Variants in SMYD3 observed in about 807,000 individuals in gnomAD.
SMYD3 encodes SET and MYND domain containing 3.
In SMYD3, 36 loss-of-function variants were observed where a neutral mutation model predicts 57.7. The ratio of observed to expected loss-of-function variants is 0.62; its 90% CI spans 0.48 to 0.82. SMYD3 has a LOEUF of 0.82. Ranked by LOEUF, SMYD3 falls within the 40% of genes least tolerant of loss-of-function variation. The pLI, the probability that SMYD3 is intolerant of heterozygous loss-of-function variation, is 0.00. For synonymous variants in SMYD3, 211 were observed against 195.0 expected, an observed-to-expected ratio of 1.08 and a Z score of -0.68; for missense variants, 515 against 538.8, an observed-to-expected ratio of 0.96 and a Z score of 0.44.
intron 1 of SMYD3, among the ~76,000 whole-genome samples, chr1:246,364,222 CAAA>C (rs11361203): frequency 2.3e-4 from 27 of 119,586 alleles, no homozygotes; most frequent in Admixed American, 5.0e-4. Context: ...GGTTGTAAGC[CAAA>C]AAAAAAAAAA....
intron 5 of SMYD3, among the ~76,000 whole-genome samples, chr1:246,104,657 C>A (rs1454936918): frequency 1.3e-5 from 2 of 152,106 alleles, no homozygotes; most frequent in African/African-American, 2.4e-5. Flanking sequence ...ATAACACAAG[C>A]CTTTCGCGAG....
At chr1:246,064,349 T>C (rs999939807) in intron 5 of SMYD3, among the ~76,000 whole-genome samples, 2 of 152,210 alleles carry the variant, frequency 1.3e-5, no homozygotes, top group African/African-American at 2.4e-5. Flanking sequence ...TACTCTCTGT[T>C]CTAGTCAAAC....
At chr1:246,444,054 G>A (rs2067511998) in intron 1 of SMYD3, among the ~76,000 whole-genome samples, 1 of 152,016 alleles carries the variant, frequency 6.6e-6, no homozygotes, top group South Asian at 2.1e-4. Flanking sequence ...TTGTTACCTG[G>A]AGGAAACATC....
intron 8 of SMYD3, among the ~76,000 whole-genome samples, chr1:245,888,982 T>C (rs925282869): frequency 2.0e-5 from 3 of 152,232 alleles, no homozygotes; most frequent in Admixed American, 6.5e-5. Flanking sequence ...AGCTTCATTC[T>C]TCCAAGGATG....
chr1:246,094,373 G>A (rs1010011633), intron 5 of SMYD3, among the ~76,000 whole-genome samples: 1 of 152,180 alleles, frequency 6.6e-6, no homozygotes, highest in Admixed American at 6.5e-5. Flanking sequence ...TACCCTAGGA[G>A]GGCTCTGATA....
chr1:245,834,680 G>C (rs1199735834), intron 10 of SMYD3, among the ~76,000 whole-genome samples: 1 of 152,184 alleles, frequency 6.6e-6, no homozygotes, highest in Non-Finnish European at 1.5e-5. Context: ...CAATCTTCCT[G>C]TTCGGAGGAT....
intron 1 of SMYD3, 52 bp downstream of exon 1, chr1:246,507,002 C>G: frequency 8.9e-7 from 1 of 1,120,946 alleles, no homozygotes; most frequent in Non-Finnish European, 1.2e-6. Context: ...CCCCCCTCCC[C>G]AGCACCCCAC....
At chr1:246,371,404 A>C (rs886339666) in intron 1 of SMYD3, among the ~76,000 whole-genome samples, 1 of 152,198 alleles carries the variant, frequency 6.6e-6, no homozygotes, top group Non-Finnish European at 1.5e-5. Flanking sequence ...CAACCTCTTC[A>C]GTCTAGTCTA....
chr1:245,946,329 A>G (rs1305248910), intron 5 of SMYD3, among the ~76,000 whole-genome samples: 2 of 152,162 alleles, frequency 1.3e-5, no homozygotes, highest in Non-Finnish European at 2.9e-5. Context: ...CCTCCACCGC[A>G]TGTGGAGGCC....
chr1:246,490,168 C>A (rs537395093), intron 1 of SMYD3, among the ~76,000 whole-genome samples: 1 of 152,082 alleles, frequency 6.6e-6, no homozygotes, highest in Non-Finnish European at 1.5e-5. Context: ...AATTAAATAA[C>A]CACCTATAAA....
intron 2 of SMYD3, among the ~76,000 whole-genome samples, chr1:246,348,293 G>C (rs1361004968): frequency 1.3e-5 from 2 of 151,674 alleles, no homozygotes; most frequent in Non-Finnish European, 2.9e-5. Flanking sequence ...GCAGGTGCCT[G>C]TAATCCCAGC....
At chr1:245,816,472 C>T (rs2048807010) in intron 10 of SMYD3, among the ~76,000 whole-genome samples, 1 of 140,606 alleles carries the variant, frequency 7.1e-6, no homozygotes, top group Non-Finnish European at 1.5e-5. Context: ...CAGCTACAAC[C>T]CAACTCAAGG....
intron 5 of SMYD3, among the ~76,000 whole-genome samples, chr1:246,259,187 T>C (rs2063954029): frequency 6.6e-6 from 1 of 152,246 alleles, no homozygotes; most frequent in African/African-American, 2.4e-5. Context: ...ATTCATGCTT[T>C]GAATTACTTA....
intron 11 of SMYD3, among the ~76,000 whole-genome samples, chr1:245,759,447 CA>C (rs1233828988): frequency 6.7e-6 from 1 of 148,154 alleles, no homozygotes; most frequent in African/African-American, 2.7e-5. Context: ...ACCAAATATA[CA>C]AAAGGTTGTG....
At chr1:246,060,849 ACAC>A (rs1178259478) in intron 5 of SMYD3, among the ~76,000 whole-genome samples, 1 of 140,828 alleles carries the variant, frequency 7.1e-6, no homozygotes, top group Non-Finnish European at 1.5e-5. Context: ...GGTTTAGTGT[ACAC>A]TAACTGGCTG....
chr1:245,816,951 G>A (rs1330399452), intron 10 of SMYD3, among the ~76,000 whole-genome samples: 1 of 151,338 alleles, frequency 6.6e-6, no homozygotes, highest in Non-Finnish European at 1.5e-5. Flanking sequence ...AAACTGCAAG[G>A]CGGCAGCGAG....
chr1:245,811,567 A>G lies in SMYD3; in HGVS notation c.1076+46929T>C, dbSNP rs1263289736. Among the ~76,000 whole-genome samples, 3 of 152,200 alleles carry G rather than the reference A, an allele frequency of 2.0e-5. No homozygotes were observed. In the South Asian group the frequency reaches 6.2e-4, roughly 31 times the overall value. On this transcript the variant is annotated intron_variant, in intron 10 of 11. Coordinates refer to ENST00000490107, the MANE Select transcript of SMYD3 (RefSeq NM_001167740.2). ...TGATGAGAGGTTTTTGGAACAGTTAATGATCTAATGTGGCCGTTCTTGTCA... is the reference window on the plus strand; with the variant it reads ...TGATGAGAGGTTTTTGGAACAGTTAGTGATCTAATGTGGCCGTTCTTGTCA...
At chr1:245,796,423 C>T (rs144197262) in intron 10 of SMYD3, among the ~76,000 whole-genome samples, 23 of 151,882 alleles carry the variant, frequency 1.5e-4, no homozygotes, top group African/African-American at 5.3e-4. Context: ...CAGGACACTG[C>T]CAAATAGAGA....
chr1:246,228,362 T>G (rs1194394547), intron 5 of SMYD3, among the ~76,000 whole-genome samples: 1 of 152,190 alleles, frequency 6.6e-6, no homozygotes, highest in African/African-American at 2.4e-5. Context: ...AAAGTTATCT[T>G]ACAGGACTCT....
Sources: allele counts gnomAD v4.1 joint callset (sites outside exome capture counted in the v4.1 genomes callset), GRCh38; gene constraint gnomAD v4.1.1; transcripts MANE v1.5; gene names NCBI Gene and HGNC (gene_info 2026-07-23, HGNC 2026-07-21).